The following C3orf20 variants were observed in gnomAD, a reference collection of about 807,000 sequenced individuals.
C3orf20 encodes uncharacterized protein C3orf20.
Under a neutral mutation model 88.3 loss-of-function variants are expected in C3orf20, and 76 were observed. The ratio of observed to expected loss-of-function variants is 0.86; its 90% CI spans 0.72 to 1.04. The LOEUF (loss-of-function observed/expected upper bound fraction) is 1.04. Among genes scored for constraint, C3orf20 ranks in the 50% least tolerant of loss-of-function variants. The pLI, the probability that C3orf20 is intolerant of heterozygous loss-of-function variation, is 0.00. For synonymous variants in C3orf20, 436 were observed against 437.4 expected (o/e 1.00, Z 0.04); for missense variants, 1,056 against 1,123.3 (o/e 0.94, Z 0.86).
chr3:14,759,782 G>T lies in C3orf20; in HGVS notation c.2245-109G>T, dbSNP rs188532590. ...CAGGAGGAGTTGGGGAGAGGGAGTT[G>T]TACAGGGCTCCAGGACTCAGGGGGA... On this transcript the variant is annotated intron_variant, in intron 13 of 16. Coordinates refer to ENST00000253697, the MANE Select transcript of C3orf20 (RefSeq NM_032137.5). The T allele has an allele frequency of 1.3e-4, 107 of 850,664 alleles. 1 individual carries two copies. Among genetic ancestry groups the T allele is most frequent in the South Asian group, 1.1e-3 (72 of 65,804 alleles). 52.7% of individuals were successfully genotyped at this position (850,664 alleles called of 1,614,324 possible).
chr3:14,756,314 C>T (rs2035371766), intron 12 of C3orf20, among the ~76,000 whole-genome samples: 1 of 151,768 alleles, frequency 6.6e-6, no homozygotes, highest in Non-Finnish European at 1.5e-5. Flanking sequence ...CAGTGTTTGG[C>T]ACATAGTAGG....
intron 7 of C3orf20, among the ~76,000 whole-genome samples, chr3:14,710,208 C>T (rs1310547092): frequency 6.6e-6 from 1 of 151,114 alleles, no homozygotes; most frequent in Non-Finnish European, 1.5e-5. Flanking sequence ...TCTGTAAGGT[C>T]CCATTTTCAT....
At chr3:14,764,504 ATTATTG>A (rs745720310) in intron 15 of C3orf20, among the ~76,000 whole-genome samples, 4,270 of 148,784 alleles carry the variant, frequency 0.029, 89 homozygotes, top group East Asian at 0.12. Flanking sequence ...TATTATTATT[ATTATTG>A]TTGTTGTTGT....
chr3:14,750,675 A>G (rs1015179491), intron 12 of C3orf20, among the ~76,000 whole-genome samples: 4 of 151,902 alleles, frequency 2.6e-5, no homozygotes, highest in Non-Finnish European at 5.9e-5. Context: ...GTAATTGGCT[A>G]TTAATCTTAT....
rs746123174 is a variant in C3orf20, at chr3:14,757,668, C to T, written c.2238C>T (p.Cys746=). Residue 746 remains cysteine, a synonymous_variant, in exon 13 of 17, where the codon TGC becomes TGT. Transcript: ENST00000253697. ...NHQQRGRGSP[C]IQCRYDSYRL... The stretch of plus-strand genomic sequence containing the variant: ...AGCAGCGGGGCCGTGGCTCCCCCTG[C>T]ATCCAGGTTGGTCTGGGCCCAGTGA... The T allele has an allele frequency of 3.1e-6, 5 of 1,609,648 alleles. No homozygotes were observed. In the African/African-American group the frequency reaches 5.3e-5, roughly 17 times the overall value.
Position 14,714,055 on chromosome 3 carries a change from A to C in C3orf20, c.1209A>C (p.Arg403Ser), listed in dbSNP as rs2033849617. The C allele has an allele frequency of 6.2e-7, 1 of 1,614,010 alleles. No homozygotes were observed. The highest frequency in any genetic ancestry group is 1.1e-5 in the South Asian group (1 of 91,084). The change falls in exon 8 of 17, where the codon AGA (arginine) becomes AGC (serine). Residue 403 changes from arginine to serine, a missense_variant. Arg to Ser is a moderately radical substitution (Grantham distance 110). Coordinates refer to ENST00000253697, the MANE Select transcript of C3orf20 (RefSeq NM_032137.5). ...VAVCQIPTCCRGRTITCLFND... is the reference protein window; with the variant it reads ...VAVCQIPTCCSGRTITCLFND... ...TATGTCAGATCCCCACATGCTGCAGAGGGAGAACCATCACCTGCCTCTTTA... is the reference window on the plus strand; with the variant it reads ...TATGTCAGATCCCCACATGCTGCAGCGGGAGAACCATCACCTGCCTCTTTA...
chr3:14,741,216 C>T (rs2034888675), intron 12 of C3orf20, among the ~76,000 whole-genome samples: 1 of 152,108 alleles, frequency 6.6e-6, no homozygotes, highest in Non-Finnish European at 1.5e-5. Context: ...TTCACCTTTA[C>T]TCCTCAGATA....
At chr3:14,755,629 A>G (rs2035340046) in intron 12 of C3orf20, among the ~76,000 whole-genome samples, 1 of 152,230 alleles carries the variant, frequency 6.6e-6, no homozygotes, top group South Asian at 2.1e-4. Context: ...CTCTTGTTTC[A>G]GGATGTCCTG....
At chr3:14,692,465 G>A (rs761191304) in intron 5 of C3orf20, among the ~76,000 whole-genome samples, 49 of 152,140 alleles carry the variant, frequency 3.2e-4, no homozygotes, top group Non-Finnish European at 5.0e-4. Context: ...ATATCACCTT[G>A]TAGTTTTAAT....
intron 15 of C3orf20, among the ~76,000 whole-genome samples, chr3:14,771,806 C>T (rs1472101623): frequency 6.6e-6 from 1 of 152,210 alleles, no homozygotes; most frequent in Non-Finnish European, 1.5e-5. Flanking sequence ...CCCGCCCCAC[C>T]GCAGGCATTT....
chr3:14,741,095 A>G (rs1471117218), intron 12 of C3orf20, among the ~76,000 whole-genome samples: 1 of 152,212 alleles, frequency 6.6e-6, no homozygotes, highest in Non-Finnish European at 1.5e-5. Context: ...GTTCCTCTGG[A>G]GAGGACTTAT....
At chr3:14,767,783 C>G (rs998354878) in intron 15 of C3orf20, among the ~76,000 whole-genome samples, 10 of 152,262 alleles carry the variant, frequency 6.6e-5, no homozygotes, top group African/African-American at 2.4e-4. Flanking sequence ...TTCTACACTG[C>G]TGTGCGCCCT....
chr3:14,765,906 G>A (rs991605484), intron 15 of C3orf20, among the ~76,000 whole-genome samples: 29 of 152,356 alleles, frequency 1.9e-4, no homozygotes, highest in African/African-American at 5.3e-4. Context: ...GTCCCCACGG[G>A]GGCCTCATGA....
At chr3:14,702,048 C>T (rs1352991285) in intron 5 of C3orf20, among the ~76,000 whole-genome samples, 1 of 152,106 alleles carries the variant, frequency 6.6e-6, no homozygotes, top group African/African-American at 2.4e-5. Flanking sequence ...TTTTCTGAAA[C>T]CCCTCCTGTA....
chr3:14,707,142 AGGAG>A (rs2033538394), intron 7 of C3orf20, among the ~76,000 whole-genome samples: 1 of 150,390 alleles, frequency 6.6e-6, no homozygotes, highest in African/African-American at 2.5e-5. Context: ...CCAGCTACTC[AGGAG>A]GCTGAGGCAG....
At chr3:14,722,926 C>G (rs1575126322) in intron 10 of C3orf20, among the ~76,000 whole-genome samples, 1 of 152,160 alleles carries the variant, frequency 6.6e-6, no homozygotes, top group South Asian at 2.1e-4. Context: ...CACTTGACCT[C>G]AACACAAGAT....
chr3:14,687,567 G>T (rs2032496204), intron 4 of C3orf20, among the ~76,000 whole-genome samples: 1 of 152,116 alleles, frequency 6.6e-6, no homozygotes, highest in Non-Finnish European at 1.5e-5. Context: ...TCCCTCATTT[G>T]GGGGCACAGC....
chr3:14,740,165 A>G (rs1028474093), intron 12 of C3orf20, among the ~76,000 whole-genome samples: 2 of 152,198 alleles, frequency 1.3e-5, no homozygotes, highest in Non-Finnish European at 2.9e-5. Context: ...ACTAAGGTTA[A>G]TCATTTCTAG....
chr3:14,727,331 G>A (rs1040867999), intron 11 of C3orf20, among the ~76,000 whole-genome samples: 2 of 152,088 alleles, frequency 1.3e-5, no homozygotes, highest in African/African-American at 2.4e-5. Context: ...AGCTGGCTGT[G>A]TCCCTCTTGT....
Sources: gnomAD v4.1 joint callset for allele counts (sites outside exome capture counted in the v4.1 genomes callset) on GRCh38, gnomAD v4.1.1 for gene constraint, MANE v1.5 for transcripts, NCBI Gene and HGNC (gene_info 2026-07-23, HGNC 2026-07-21) for gene names.